THSD7B: variants seen among roughly 807,000 people sequenced by gnomAD.
The protein encoded by THSD7B is thrombospondin type 1 domain containing 7B.
Under a neutral mutation model 213.6 loss-of-function variants are expected in THSD7B, and 138 were observed. The observed-to-expected ratio is 0.65, with a 90% confidence interval of 0.56 to 0.74. The LOEUF is 0.74. Among genes scored for constraint, THSD7B ranks in the 30% least tolerant of loss-of-function variants. The probability of loss-of-function intolerance (pLI) is 0.00; values close to 1 mark genes in which losing one functional copy is unlikely to be tolerated. For missense variants in THSD7B, 1,931 were observed against 1,991.5 expected (o/e 0.97, Z 0.58); for synonymous variants, 742 against 687.0 (o/e 1.08, Z -1.25).
intron 2 of THSD7B, among the ~76,000 whole-genome samples, chr2:137,001,751 C>T (rs1159750555): frequency 1.3e-5 from 2 of 152,070 alleles, no homozygotes; most frequent in African/African-American, 2.4e-5. Context: ...TAGCTTCAAC[C>T]CACTTTTTCG....
At chr2:137,348,703 C>CTTTTTTTTTTTTTTT (rs80150345) in intron 12 of THSD7B, among the ~76,000 whole-genome samples, 25 of 110,934 alleles carry the variant, frequency 2.3e-4, no homozygotes, top group Non-Finnish European at 3.7e-4. Context: ...CTATGAACTC[C>CTTTTTTTTTTTTTTT]TTTTTTTTTT....
At chr2:137,092,280 T>G (rs960746303) in intron 3 of THSD7B, among the ~76,000 whole-genome samples, 1 of 151,866 alleles carries the variant, frequency 6.6e-6, no homozygotes, top group East Asian at 1.9e-4. Context: ...AGTTGTGGTG[T>G]TGTGCATCTG....
At chr2:136,816,443 A>G (rs1266625345) in intron 1 of THSD7B, among the ~76,000 whole-genome samples, 1 of 152,116 alleles carries the variant, frequency 6.6e-6, no homozygotes, top group Non-Finnish European at 1.5e-5. Flanking sequence ...GCTTTTTTAT[A>G]TTTTTGAAAA....
At chr2:136,767,594 A>G (rs1036392158) in intron 1 of THSD7B, among the ~76,000 whole-genome samples, 81 of 152,302 alleles carry the variant, frequency 5.3e-4, no homozygotes, top group African/African-American at 1.9e-3. Flanking sequence ...TTCTTCTGAC[A>G]CTGTAACAAT....
intron 2 of THSD7B, among the ~76,000 whole-genome samples, chr2:137,006,390 G>A (rs1686111760): frequency 6.7e-6 from 1 of 149,960 alleles, no homozygotes; most frequent in Admixed American, 6.7e-5. Context: ...GTGAGACTCC[G>A]TCTCAAGAAA....
At chr2:137,093,427 C>G (rs1231373258) in intron 3 of THSD7B, among the ~76,000 whole-genome samples, 1 of 152,038 alleles carries the variant, frequency 6.6e-6, no homozygotes, top group Non-Finnish European at 1.5e-5. Flanking sequence ...TGACTTTGGC[C>G]AATTTAAAGT....
chr2:137,605,511 T>A (rs1045768832), intron 17 of THSD7B, among the ~76,000 whole-genome samples: 11 of 151,964 alleles, frequency 7.2e-5, no homozygotes, highest in African/African-American at 2.7e-4. Context: ...ATCAGTGGTA[T>A]GATGAAGAGA....
intron 2 of THSD7B, among the ~76,000 whole-genome samples, chr2:136,901,882 C>T (rs1332066422): frequency 2.0e-5 from 3 of 152,146 alleles, no homozygotes; most frequent in African/African-American, 7.2e-5. Context: ...GAGTTGTTTG[C>T]CCTTGATTGA....
intron 2 of THSD7B, among the ~76,000 whole-genome samples, chr2:136,948,593 G>A (rs1033392691): frequency 6.6e-6 from 1 of 152,064 alleles, no homozygotes; most frequent in Non-Finnish European, 1.5e-5. Flanking sequence ...AACGGTATTT[G>A]TATGATATGT....
At chr2:136,822,760 G>A (rs1682586051) in intron 1 of THSD7B, among the ~76,000 whole-genome samples, 1 of 152,202 alleles carries the variant, frequency 6.6e-6, no homozygotes, top group African/African-American at 2.4e-5. Context: ...TCACCACGGA[G>A]CATGTTTGAA....
At chr2:137,496,676 A>G (rs1440742665) in intron 15 of THSD7B, among the ~76,000 whole-genome samples, 1 of 152,192 alleles carries the variant, frequency 6.6e-6, no homozygotes, top group Non-Finnish European at 1.5e-5. Context: ...CCATTTATTT[A>G]TAAGATAAAC....
intron 7 of THSD7B, among the ~76,000 whole-genome samples, chr2:137,176,102 T>G: frequency 6.6e-6 from 1 of 152,318 alleles, no homozygotes; most frequent in Admixed American, 6.5e-5. Context: ...TATTTTCTTG[T>G]ATTTTAGGAT....
intron 17 of THSD7B, among the ~76,000 whole-genome samples, chr2:137,612,283 G>A (rs181630502): frequency 3.2e-4 from 49 of 152,274 alleles, no homozygotes; most frequent in African/African-American, 1.2e-3. Flanking sequence ...TTTTCCAGCT[G>A]TGGAAAGGGT....
In THSD7B at chr2:137,205,334, C is replaced by A. The variant is rs545535947; in HGVS notation, c.1724-25710C>A. Among the ~76,000 whole-genome samples the A allele has an allele frequency of 7.2e-5, 11 of 152,120 alleles. 1 individual carries two copies. In the South Asian group the frequency reaches 2.3e-3, roughly 32 times the overall value. On this transcript the variant is annotated intron_variant, in intron 7 of 27. Coordinates refer to ENST00000409968, the MANE Select transcript of THSD7B (RefSeq NM_001316349.2). ...GGAACTCCAGAGAATCCCAAAGATT[C>A]TCCTACCACAAATGAAGGGAATTTA...
chr2:137,627,697 A>G (rs988297086), intron 20 of THSD7B, among the ~76,000 whole-genome samples: 6 of 152,216 alleles, frequency 3.9e-5, no homozygotes, highest in Admixed American at 2.0e-4. Flanking sequence ...GCCAGGGTAC[A>G]TATTAGGAAA....
At chr2:137,034,577 C>T (rs1261533094) in intron 2 of THSD7B, among the ~76,000 whole-genome samples, 1 of 152,118 alleles carries the variant, frequency 6.6e-6, no homozygotes, top group Non-Finnish European at 1.5e-5. Flanking sequence ...AATGCTCTCC[C>T]TTCCCTTGCC....
At chr2:137,559,429 T>C (rs1436153197) in intron 15 of THSD7B, among the ~76,000 whole-genome samples, 2 of 152,168 alleles carry the variant, frequency 1.3e-5, no homozygotes. Context: ...AACTATCTGA[T>C]TTTTGACAAA....
chr2:137,449,031 G>A (rs1295403174), intron 14 of THSD7B, among the ~76,000 whole-genome samples: 1 of 152,100 alleles, frequency 6.6e-6, no homozygotes, highest in Admixed American at 6.5e-5. Context: ...AGGCAATGGG[G>A]AGTTAGCAGA....
chr2:137,225,822 A>G (rs1197206480), intron 7 of THSD7B, among the ~76,000 whole-genome samples: 1 of 151,874 alleles, frequency 6.6e-6, no homozygotes, highest in African/African-American at 2.4e-5. Flanking sequence ...TATGCTTCCA[A>G]TTCTGAAATT....
Sources: allele counts gnomAD v4.1 joint callset (sites outside exome capture counted in the v4.1 genomes callset), GRCh38; gene constraint gnomAD v4.1.1; transcripts MANE v1.5; gene names NCBI Gene and HGNC (gene_info 2026-07-23, HGNC 2026-07-21).